Variants in JAKMIP1 observed in about 807,000 individuals in gnomAD.
The protein encoded by JAKMIP1 is janus kinase and microtubule interacting protein 1.
A neutral mutation model predicts 113.0 loss-of-function variants in JAKMIP1; 33 were observed. The observed-to-expected ratio is 0.29, with a 90% confidence interval of 0.22 to 0.39. The LOEUF is 0.39. Among genes scored for constraint, JAKMIP1 ranks in the 10% least tolerant of loss-of-function variants. JAKMIP1 has a pLI of 1.00. For synonymous variants in JAKMIP1, 480 were observed against 459.9 expected, an observed-to-expected ratio of 1.04 and a Z score of -0.56; for missense variants, 813 against 1,080.5, an observed-to-expected ratio of 0.75 and a Z score of 3.47.
chr4:6,191,847 G>A (rs1047655386), intron 1 of JAKMIP1, among the ~76,000 whole-genome samples: 2 of 152,032 alleles, frequency 1.3e-5, no homozygotes, highest in African/African-American at 4.8e-5. Flanking sequence ...TAAAATTCAT[G>A]TGAAAATTAT....
rs75527734 is a variant in JAKMIP1 at position 6,155,381 on chromosome 4, G to A, written c.-147-42384C>T. ...CAAGCACTTTATATTTAACCCTCAA[G>A]AGAACCCTAAAACATAGGTATTCTA... On this transcript the variant is annotated intron_variant, in intron 1 of 20. Transcript: ENST00000409021. This position sits in a 1 kb window ranked among gnomAD's most constrained non-coding sequence, Gnocchi z 6.1. Among the ~76,000 whole-genome samples the A allele has an allele frequency of 0.02, 2,981 of 152,192 alleles. 51 individuals are homozygous for A. The highest frequency in any genetic ancestry group is 0.053 in the Admixed American group (807 of 15,270).
At position 6,093,686 on chromosome 4, in the gene JAKMIP1, A is replaced by G. The variant is rs1722405269; in HGVS notation, c.625-8057T>C. Among the ~76,000 whole-genome samples the G allele has an allele frequency of 6.6e-6, 1 of 152,160 alleles. No homozygotes were observed. The highest frequency in any genetic ancestry group is 1.5e-5 in the Non-Finnish European group (1 of 68,032). ...GACACCTCCTGTATTACAATGAATG[A>G]TGTCCACCTGTACAGGGAGGTGTGG... On this transcript the variant is annotated intron_variant, in intron 3 of 20. Transcript: ENST00000409021. The surrounding 1 kb of genome is among the most constrained non-coding windows in gnomAD (Gnocchi z 4.6).
rs1719294957 is a variant in JAKMIP1, at chr4:6,136,672, G to A, written c.-147-23675C>T. Among the ~76,000 whole-genome samples, 1 of 152,076 alleles carries A rather than the reference G, an allele frequency of 6.6e-6. No individual in the cohort carries two copies. The highest frequency in any genetic ancestry group is 1.5e-5 in the Non-Finnish European group (1 of 68,020). The stretch of plus-strand genomic sequence containing the variant: ...TTCATGGTGATTAGCACCCAGTCAG[G>A]AGCCACACTAAAGAATCTGGAATTC... On this transcript the variant is annotated intron_variant, in intron 1 of 20. Coordinates refer to ENST00000409021, the MANE Select transcript of JAKMIP1 (RefSeq NM_001099433.2). This position sits in a 1 kb window ranked among gnomAD's most constrained non-coding sequence, Gnocchi z 5.9.
At chr4:6,055,867 T>TGC in intron 12 of JAKMIP1, among the ~76,000 whole-genome samples, 1 of 142,494 alleles carries the variant, frequency 7.0e-6, no homozygotes, top group African/African-American at 2.7e-5. Flanking sequence ...GGGGCAGCCC[T>TGC]CCTTATTTCT....
chr4:6,166,948 C>G (rs1215357069), intron 1 of JAKMIP1, among the ~76,000 whole-genome samples: 1 of 151,996 alleles, frequency 6.6e-6, no homozygotes, highest in African/African-American at 2.4e-5. Context: ...GGACAGCCAC[C>G]CTTCCACAAA....
chr4:6,140,562 C>T lies in JAKMIP1; in HGVS notation c.-147-27565G>A, dbSNP rs1014932719. 3.3e-5 allele frequency among the ~76,000 whole-genome samples: 5 copies of T among 152,094 alleles called. No individual in the cohort carries two copies. Among genetic ancestry groups the T allele is most frequent in the Non-Finnish European group, 5.9e-5 (4 of 68,028 alleles). ...GCAGGGTCAGAGGGAAGTCGGCCCG[C>T]TAGGTGACAGTGGTTCACAGCGTAA... is the stretch of plus-strand genomic sequence containing the variant. On this transcript the variant is annotated intron_variant, in intron 1 of 20. Transcript: ENST00000409021. The surrounding 1 kb of genome is among the most constrained non-coding windows in gnomAD (Gnocchi z 9.4).
At chr4:6,111,354 G>A (rs939316528) in intron 2 of JAKMIP1, among the ~76,000 whole-genome samples, 6 of 152,156 alleles carry the variant, frequency 3.9e-5, no homozygotes, top group African/African-American at 4.8e-5. Flanking sequence ...GCATCTCCAT[G>A]CTCTTTCTGT....
At chr4:6,027,600 T>C (rs928273236) in intron 20 of JAKMIP1, among the ~76,000 whole-genome samples, 4 of 152,192 alleles carry the variant, frequency 2.6e-5, no homozygotes, top group African/African-American at 9.6e-5. Flanking sequence ...TTTCCAGCCC[T>C]ACAGGCCTCG....
intron 1 of JAKMIP1, among the ~76,000 whole-genome samples, chr4:6,170,586 C>T (rs111203632): frequency 6.6e-6 from 1 of 150,534 alleles, no homozygotes; most frequent in African/African-American, 2.5e-5. Flanking sequence ...CCATTACACC[C>T]ACCATTGTCC....
Position 6,199,355 on chromosome 4 carries a change from G to A in JAKMIP1, c.-148+898C>T, listed in dbSNP as rs1229679302. 6.6e-6 allele frequency among the ~76,000 whole-genome samples: 1 copy of A among 152,168 alleles called. No individual in the cohort carries two copies. Among genetic ancestry groups the A allele is most frequent in the Non-Finnish European group, 1.5e-5 (1 of 68,008 alleles). Reference sequence around the variant, plus strand: ...AAAAGAAGCGCCAGCCTCGTAAGCGGCCTCTATCTGGGCTGCCCAGGCCGG... The same window carrying A: ...AAAAGAAGCGCCAGCCTCGTAAGCGACCTCTATCTGGGCTGCCCAGGCCGG... On this transcript the variant is annotated intron_variant, in intron 1 of 20. Transcript: ENST00000409021. The surrounding 1 kb of genome is among the most constrained non-coding windows in gnomAD (Gnocchi z 5.6).
Position 6,158,886 on chromosome 4 carries a change from C to T in JAKMIP1, c.-148+41367G>A, listed in dbSNP as rs140758749. ...GGAGGATCGCTTGACCTCAGGAGTT[C>T]GAGACCAGCCTGACCAACATGGTGA... On this transcript the variant is annotated intron_variant, in intron 1 of 20. Coordinates refer to ENST00000409021, the MANE Select transcript of JAKMIP1 (RefSeq NM_001099433.2). The surrounding 1 kb of genome is among the most constrained non-coding windows in gnomAD (Gnocchi z 5.3). Among the ~76,000 whole-genome samples the T allele has an allele frequency of 0.013, 1,921 of 152,088 alleles. 29 individuals carry two copies. The highest frequency in any genetic ancestry group is 0.041 in the African/African-American group (1,713 of 41,480).
intron 19 of JAKMIP1, among the ~76,000 whole-genome samples, chr4:6,035,598 C>T (rs921353404): frequency 2.6e-5 from 4 of 152,222 alleles, no homozygotes; most frequent in African/African-American, 9.6e-5. Context: ...GATGCCTCCC[C>T]GTAACCAGCA....
chr4:6,134,677 C>T (rs1718980298), intron 1 of JAKMIP1, among the ~76,000 whole-genome samples: 1 of 152,212 alleles, frequency 6.6e-6, no homozygotes, highest in African/African-American at 2.4e-5. Context: ...CCTCAACCTC[C>T]CAAGAGCCTG....
intron 3 of JAKMIP1, among the ~76,000 whole-genome samples, chr4:6,102,096 C>G (rs1560187343): frequency 6.6e-6 from 1 of 152,162 alleles, no homozygotes; most frequent in Non-Finnish European, 1.5e-5. Context: ...ACATCTTACA[C>G]AACTTTCCTT....
chr4:6,038,237 G>A (rs187263363), intron 18 of JAKMIP1, among the ~76,000 whole-genome samples: 179 of 147,718 alleles, frequency 1.2e-3, no homozygotes, highest in African/African-American at 4.3e-3. Flanking sequence ...CTCCATCACC[G>A]AGGCAGAGGT....
chr4:6,081,306 C>T lies in JAKMIP1; in HGVS notation c.1101+303G>A, dbSNP rs570471687. ...GCTGTTATTTCATCCTCTTGATGAT[C>T]CTCCAGTGTGGATATTTTCATTCCC... On this transcript the variant is annotated intron_variant, in intron 6 of 20. Transcript: ENST00000409021. This position sits in a 1 kb window ranked among gnomAD's most constrained non-coding sequence, Gnocchi z 4.6. 6.6e-6 allele frequency among the ~76,000 whole-genome samples: 1 copy of T among 152,312 alleles called. No homozygotes were observed. Among genetic ancestry groups the T allele is most frequent in the Admixed American group, 6.5e-5 (1 of 15,300 alleles).
intron 1 of JAKMIP1, among the ~76,000 whole-genome samples, chr4:6,165,038 T>G (rs533763087): frequency 6.6e-6 from 1 of 152,226 alleles, no homozygotes; most frequent in African/African-American, 2.4e-5. Flanking sequence ...TGAAAGAAGT[T>G]CTACTGTGGG....
intron 1 of JAKMIP1, among the ~76,000 whole-genome samples, chr4:6,161,566 T>A (rs1442184906): frequency 2.2e-4 from 30 of 138,712 alleles, no homozygotes; most frequent in Admixed American, 7.4e-4. Context: ...AAAAAAAAAA[T>A]AGAACATTCC....
rs1334180094 is a variant in JAKMIP1 at position 6,112,784 on chromosome 4, T to G, written c.67A>C (p.Asn23His). Residue 23 changes from asparagine (N) to histidine (H), a missense_variant, in exon 2 of 21, where the codon AAC becomes CAC. Asn to His is a moderately conservative substitution (Grantham distance 68, BLOSUM62 1). Transcript: ENST00000409021. ...EMETDAVQMA[N>H]EELRAKLTSI... ...GTCAGCTTGGCCCGCAGCTCCTCGT[T>G]GGCCATCTGCACCGCGTCCGTCTCC... The G allele has an allele frequency of 4.3e-6, 7 of 1,614,040 alleles. No individual in the cohort carries two copies. The highest frequency in any genetic ancestry group is 2.7e-5 in the African/African-American group (2 of 74,946).
Sources: allele counts gnomAD v4.1 joint callset (sites outside exome capture counted in the v4.1 genomes callset), GRCh38; gene constraint gnomAD v4.1.1; non-coding constraint Gnocchi (gnomAD v3.1); transcripts MANE v1.5; gene names NCBI Gene and HGNC (gene_info 2026-07-23, HGNC 2026-07-21).